The following MAPKAP1 variants were observed in gnomAD, a reference collection of about 807,000 sequenced individuals.
MAPKAP1 encodes target of rapamycin complex 2 subunit MAPKAP1.
A neutral mutation model predicts 65.7 loss-of-function variants in MAPKAP1; 20 were observed. That is an observed-to-expected ratio of 0.30 (90% CI 0.21 to 0.44). The LOEUF (loss-of-function observed/expected upper bound fraction) is 0.44, where lower values mean the gene tolerates loss of function less well. MAPKAP1 is among the 20% of genes least tolerant of loss of function. The pLI is 1.00. For missense variants in MAPKAP1, 423 were observed against 648.0 expected (o/e 0.65, Z 3.77); for synonymous variants, 222 against 244.3 (o/e 0.91, Z 0.85).
intron 4 of MAPKAP1, among the ~76,000 whole-genome samples, chr9:125,622,405 C>A (rs1341711644): frequency 6.6e-6 from 1 of 151,990 alleles, no homozygotes; most frequent in Non-Finnish European, 1.5e-5. Context: ...TCACTATGTA[C>A]CCCCATAAAT....
intron 4 of MAPKAP1, among the ~76,000 whole-genome samples, chr9:125,613,416 C>G (rs758974541): frequency 7.2e-5 from 11 of 152,164 alleles, no homozygotes; most frequent in South Asian, 2.1e-4. Context: ...CTCCTTCTCA[C>G]GACACTCAGA....
chr9:125,466,251 C>A (rs889859647), intron 10 of MAPKAP1, among the ~76,000 whole-genome samples: 1 of 152,078 alleles, frequency 6.6e-6, no homozygotes, highest in South Asian at 2.1e-4. Context: ...AAGGGGAGGC[C>A]TTATGCCCAA....
intron 4 of MAPKAP1, among the ~76,000 whole-genome samples, chr9:125,590,558 G>A (rs1382113382): frequency 1.3e-5 from 2 of 151,802 alleles, no homozygotes; most frequent in Non-Finnish European, 2.9e-5. Context: ...GCTGAGGGAG[G>A]AGAATTGCTT....
chr9:125,615,322 T>C (rs1478992787), intron 4 of MAPKAP1, among the ~76,000 whole-genome samples: 2 of 152,124 alleles, frequency 1.3e-5, no homozygotes, highest in Non-Finnish European at 1.5e-5. Flanking sequence ...TTCTCCCAAA[T>C]TGATCTACAA....
chr9:125,657,300 C>CAT (rs751852087), intron 4 of MAPKAP1, among the ~76,000 whole-genome samples: 3 of 151,762 alleles, frequency 2.0e-5, no homozygotes, highest in Non-Finnish European at 4.4e-5. Flanking sequence ...CCCTTTCTCT[C>CAT]ATATATATAT....
chr9:125,690,507 T>A (rs1835133933), intron 1 of MAPKAP1, among the ~76,000 whole-genome samples: 1 of 152,226 alleles, frequency 6.6e-6, no homozygotes, highest in Non-Finnish European at 1.5e-5. Context: ...TAACAACTTC[T>A]GTGTCTATTT....
chr9:125,515,969 AATG>A (rs1031875352), intron 7 of MAPKAP1, among the ~76,000 whole-genome samples: 2 of 152,222 alleles, frequency 1.3e-5, no homozygotes, highest in African/African-American at 4.8e-5. Context: ...TAATTTGGCG[AATG>A]ATGATGATGA....
chr9:125,504,168 C>T (rs898111429), intron 8 of MAPKAP1, among the ~76,000 whole-genome samples: 2 of 152,104 alleles, frequency 1.3e-5, no homozygotes, highest in Admixed American at 6.5e-5. Context: ...ATATTCTCTC[C>T]AGCAATGAGG....
At chr9:125,499,451 T>C (rs1828905874) in intron 8 of MAPKAP1, among the ~76,000 whole-genome samples, 1 of 152,242 alleles carries the variant, frequency 6.6e-6, no homozygotes, top group Non-Finnish European at 1.5e-5. Flanking sequence ...TATGATTCCA[T>C]TGATTGTGAT....
At chr9:125,669,625 G>A (rs1256532107) in intron 3 of MAPKAP1, among the ~76,000 whole-genome samples, 193 bp downstream of exon 3, 1 of 152,014 alleles carries the variant, frequency 6.6e-6, no homozygotes, top group Admixed American at 6.5e-5. Context: ...AGTGAAGGGT[G>A]GCCAAAAAGC....
At chr9:125,529,949 T>C (rs1369846454) in intron 7 of MAPKAP1, among the ~76,000 whole-genome samples, 2 of 152,248 alleles carry the variant, frequency 1.3e-5, no homozygotes, top group Non-Finnish European at 2.9e-5. Flanking sequence ...CTGTTGCAGA[T>C]ATGCGGCAGA....
At chr9:125,500,098 G>T (rs1165221820) in intron 8 of MAPKAP1, among the ~76,000 whole-genome samples, 1 of 152,202 alleles carries the variant, frequency 6.6e-6, no homozygotes, top group African/African-American at 2.4e-5. Context: ...TAATGTGGAA[G>T]AATCTCTATA....
chr9:125,496,670 G>A (rs1854962010), intron 8 of MAPKAP1, among the ~76,000 whole-genome samples: 1 of 152,104 alleles, frequency 6.6e-6, no homozygotes, highest in Admixed American at 6.5e-5. Context: ...TCACAAAGAG[G>A]GTCGGAAGCA....
chr9:125,440,642 T>C (rs986266400), intron 11 of MAPKAP1, among the ~76,000 whole-genome samples: 1 of 152,064 alleles, frequency 6.6e-6, no homozygotes, highest in Non-Finnish European at 1.5e-5. Flanking sequence ...TTCAACACTG[T>C]CCCTCCCAAC....
intron 7 of MAPKAP1, among the ~76,000 whole-genome samples, chr9:125,522,749 C>G (rs1829656200): frequency 6.6e-6 from 1 of 152,182 alleles, no homozygotes; most frequent in African/African-American, 2.4e-5. Context: ...TCCTTGCAGG[C>G]TACTAGTTTA....
At chr9:125,701,308 A>G (rs886885244) in intron 1 of MAPKAP1, among the ~76,000 whole-genome samples, 44 of 152,246 alleles carry the variant, frequency 2.9e-4, no homozygotes, top group African/African-American at 1.0e-3. Flanking sequence ...ATAAAAGTAT[A>G]TTAGTAAAAG....
chr9:125,566,952 G>A (rs959709265), intron 5 of MAPKAP1, among the ~76,000 whole-genome samples: 3 of 152,026 alleles, frequency 2.0e-5, no homozygotes, highest in African/African-American at 4.8e-5. Flanking sequence ...AACTCATGCC[G>A]CCCCTATCCC....
At chr9:125,705,255 A>C (rs1835723057) in intron 1 of MAPKAP1, among the ~76,000 whole-genome samples, 1 of 152,252 alleles carries the variant, frequency 6.6e-6, no homozygotes, top group Admixed American at 6.5e-5. Context: ...GGCATCAGAC[A>C]GACCTGGGTT....
intron 7 of MAPKAP1, among the ~76,000 whole-genome samples, chr9:125,533,745 G>A (rs112740917): frequency 2.6e-5 from 4 of 152,114 alleles, no homozygotes. Context: ...CACTACGCTC[G>A]GCCAGGCATA....
Sources: allele counts gnomAD v4.1 joint callset (sites outside exome capture counted in the v4.1 genomes callset), GRCh38; gene constraint gnomAD v4.1.1; transcripts MANE v1.5; gene names NCBI Gene and HGNC (gene_info 2026-07-23, HGNC 2026-07-21).